Variants in APBB1IP observed in about 807,000 individuals in gnomAD.
The protein encoded by APBB1IP is amyloid beta precursor protein binding family B member 1 interacting protein.
In APBB1IP, 27 loss-of-function variants were observed where a neutral mutation model predicts 64.9. The observed-to-expected ratio is 0.42, with a 90% CI of 0.31 to 0.57. The LOEUF (loss-of-function observed/expected upper bound fraction) is 0.57. APBB1IP is among the 20% of genes least tolerant of loss of function. The probability of loss-of-function intolerance (pLI) is 0.20; values close to 1 mark genes in which losing one functional copy is unlikely to be tolerated. For missense variants in APBB1IP, 812 were observed against 845.5 expected (o/e 0.96, Z 0.49); for synonymous variants, 392 against 331.0 (o/e 1.18, Z -2.00).
At chr10:26,447,922 C>A (rs1289020547) in intron 2 of APBB1IP, among the ~76,000 whole-genome samples, 1 of 152,076 alleles carries the variant, frequency 6.6e-6, no homozygotes, top group Non-Finnish European at 1.5e-5. Flanking sequence ...AGGTGTAAGC[C>A]ACTGTGCCCA....
chr10:26,520,529 G>A (rs1588600588), intron 8 of APBB1IP, among the ~76,000 whole-genome samples: 1 of 152,122 alleles, frequency 6.6e-6, no homozygotes, highest in Non-Finnish European at 1.5e-5. Context: ...ATTTGTCTTG[G>A]GGGATAGTGC....
chr10:26,566,904 A>C, intron 14 of APBB1IP, 57 bp from the exon 15 acceptor site: 3 of 1,486,788 alleles, frequency 2.0e-6, no homozygotes, highest in South Asian at 2.5e-5. Flanking sequence ...TAATAACAAT[A>C]AATTTAAAAT....
intron 5 of APBB1IP, chr10:26,501,421 T>C (rs1325608588): frequency 1.9e-6 from 1 of 530,704 alleles, no homozygotes; most frequent in East Asian, 2.9e-5. Flanking sequence ...CATATTGAAA[T>C]GTGGAACTGA....
chr10:26,524,022 A>G (rs1041708085), intron 8 of APBB1IP, among the ~76,000 whole-genome samples: 2 of 152,114 alleles, frequency 1.3e-5, no homozygotes, highest in African/African-American at 4.8e-5. Flanking sequence ...CAGTGCCCCT[A>G]AACTATGGCA....
chr10:26,487,650 G>T (rs1020419598), intron 2 of APBB1IP, among the ~76,000 whole-genome samples: 8 of 152,158 alleles, frequency 5.3e-5, no homozygotes, highest in African/African-American at 1.9e-4. Flanking sequence ...AGAACGCGCT[G>T]TTGTTTTGAG....
chr10:26,491,001 G>A lies in APBB1IP; in HGVS notation c.1-1326G>A, dbSNP rs1835948119. ...GCATTTTGAAATGTCCTTAGAGGCT[G>A]AGCAAGATGGCTCAATCTTGTAATC... On this transcript the variant is annotated intron_variant, in intron 2 of 14. Transcript: ENST00000376236. Among the ~76,000 whole-genome samples, 3 of 152,100 alleles carry A rather than the reference G, an allele frequency of 2.0e-5. No individual in the cohort carries two copies. In the South Asian group the frequency reaches 6.2e-4, roughly 32 times the overall value.
intron 4 of APBB1IP, among the ~76,000 whole-genome samples, chr10:26,497,491 C>T (rs1056737713): frequency 6.6e-6 from 1 of 151,390 alleles, no homozygotes; most frequent in African/African-American, 2.4e-5. Flanking sequence ...GCGGAGCTTG[C>T]AGTGAGCTGA....
chr10:26,552,988 C>T (rs1035575117), intron 11 of APBB1IP, among the ~76,000 whole-genome samples: 3 of 151,370 alleles, frequency 2.0e-5, no homozygotes, highest in Admixed American at 6.6e-5. Context: ...ACTCAGACTT[C>T]CTGAGAAAGT....
intron 2 of APBB1IP, among the ~76,000 whole-genome samples, chr10:26,446,134 C>T (rs1179207805): frequency 6.6e-6 from 1 of 152,152 alleles, no homozygotes; most frequent in Non-Finnish European, 1.5e-5. Context: ...GGTGATTTCA[C>T]ATCATATTAT....
At chr10:26,480,250 G>A (rs1835819310) in intron 2 of APBB1IP, among the ~76,000 whole-genome samples, 1 of 152,254 alleles carries the variant, frequency 6.6e-6, no homozygotes, top group Middle Eastern at 3.4e-3. Flanking sequence ...GTAGTCGCCT[G>A]ACCCCACTCC....
chr10:26,513,618 T>C lies in APBB1IP; in HGVS notation c.771T>C (p.Phe257=), dbSNP rs760717803. ...GAGACACAGAAAATAAAATACTATT[T>C]TTGGAGAAAGAGGAGAAATATGCTG... The part of the protein sequence containing the change: ...WTRDTENKIL[F]LEKEEKYAVF... The change falls in exon 8 of 15, where the codon TTT becomes TTC. Residue 257 remains phenylalanine (F), a synonymous_variant. Transcript: ENST00000376236. 3.7e-6 allele frequency: 6 copies of C among 1,613,482 alleles called. No homozygotes were observed. In the Admixed American group the frequency reaches 1.0e-4, roughly 27 times the overall value.
intron 2 of APBB1IP, among the ~76,000 whole-genome samples, chr10:26,460,381 T>TTGC (rs1283615924): frequency 6.6e-6 from 1 of 152,172 alleles, no homozygotes; most frequent in Non-Finnish European, 1.5e-5. Context: ...CCTCCTCACA[T>TTGC]TGACTCCCCA....
intron 6 of APBB1IP, among the ~76,000 whole-genome samples, chr10:26,504,745 A>G (rs1836153766): frequency 6.6e-6 from 1 of 152,052 alleles, no homozygotes; most frequent in Non-Finnish European, 1.5e-5. Flanking sequence ...TTAATTTGGT[A>G]AATTAAGGCA....
chr10:26,478,308 G>T (rs887161452), intron 2 of APBB1IP, among the ~76,000 whole-genome samples: 6 of 152,340 alleles, frequency 3.9e-5, no homozygotes, highest in African/African-American at 1.4e-4. Context: ...TGTGAGCAGA[G>T]CACAGAGATA....
At chr10:26,530,085 T>C (rs1836529556) in intron 8 of APBB1IP, among the ~76,000 whole-genome samples, 1 of 152,174 alleles carries the variant, frequency 6.6e-6, no homozygotes, top group Non-Finnish European at 1.5e-5. Flanking sequence ...TTGGGTCACA[T>C]CTTTTGTTAT....
chr10:26,554,036 CA>C (rs1473984369), intron 11 of APBB1IP, among the ~76,000 whole-genome samples: 2 of 152,130 alleles, frequency 1.3e-5, no homozygotes, highest in Non-Finnish European at 2.9e-5. Flanking sequence ...GTGTTGGAGA[CA>C]AATAATTCCT....
chr10:26,470,572 T>C (rs1292066423), intron 2 of APBB1IP, among the ~76,000 whole-genome samples: 1 of 152,096 alleles, frequency 6.6e-6, no homozygotes, highest in Non-Finnish European at 1.5e-5. Flanking sequence ...GTTCGTTAGA[T>C]GATTTTGCCC....
chr10:26,502,051 C>T (rs1051977202), intron 5 of APBB1IP: 7 of 152,114 alleles, frequency 4.6e-5, no homozygotes, highest in South Asian at 2.1e-4. Context: ...GCCATGCACC[C>T]GCTGAAAGTA....
chr10:26,439,474 T>C (rs1835316258), intron 2 of APBB1IP, among the ~76,000 whole-genome samples: 2 of 152,218 alleles, frequency 1.3e-5, no homozygotes, highest in Non-Finnish European at 2.9e-5. Context: ...AGTTTCATAA[T>C]TTGGCTTGAA....
Sources: gnomAD v4.1 joint callset for allele counts (sites outside exome capture counted in the v4.1 genomes callset) on GRCh38, gnomAD v4.1.1 for gene constraint, MANE v1.5 for transcripts, NCBI Gene and HGNC (gene_info 2026-07-23, HGNC 2026-07-21) for gene names.